The following PRKAG2 variants were observed in gnomAD, a reference collection of about 807,000 sequenced individuals.
The protein encoded by PRKAG2 is 5'-AMP-activated protein kinase subunit gamma-2.
PRKAG2 carries 26 observed loss-of-function variants against 69.6 expected under a neutral mutation model. The observed-to-expected ratio is 0.37, with a 90% CI of 0.27 to 0.52. PRKAG2 has a LOEUF of 0.52. Ranked by LOEUF, PRKAG2 falls within the 20% of genes least tolerant of loss-of-function variation. PRKAG2 has a pLI of 0.90. For synonymous variants in PRKAG2, 293 were observed against 285.0 expected, an observed-to-expected ratio of 1.03 and a Z score of -0.28; for missense variants, 557 against 740.0, an observed-to-expected ratio of 0.75 and a Z score of 2.87.
chr7:151,697,262 G>A (rs1836831103), intron 3 of PRKAG2, among the ~76,000 whole-genome samples: 1 of 152,162 alleles, frequency 6.6e-6, no homozygotes, highest in South Asian at 2.1e-4. Flanking sequence ...CAGCCCACCA[G>A]GCCTGCTCTT....
chr7:151,813,394 C>T (rs761210570), intron 1 of PRKAG2, among the ~76,000 whole-genome samples: 6 of 151,780 alleles, frequency 4.0e-5, no homozygotes, highest in Non-Finnish European at 7.4e-5. Context: ...GGGGGTCAAG[C>T]GACCCCCAGG....
intron 1 of PRKAG2, among the ~76,000 whole-genome samples, chr7:151,822,078 T>A (rs924058045): frequency 6.6e-6 from 1 of 152,114 alleles, no homozygotes; most frequent in African/African-American, 2.4e-5. Context: ...CCTCACCCCA[T>A]GACAACTGCC....
chr7:151,556,586 T>C lies in PRKAG2; in HGVS notation c.*615A>G, dbSNP rs1803831816. 6.6e-6 allele frequency: 1 copy of C among 152,528 alleles called. No individual in the cohort carries two copies. Among genetic ancestry groups the C allele is most frequent in the Admixed American group, 6.5e-5 (1 of 15,294 alleles). 9.4% of individuals were successfully genotyped at this position (152,528 alleles called of 1,614,324 possible). Reference sequence around the variant, plus strand: ...CTCCACCAAAAGATGTGTAAAAAAATTGCATGAAAGTAAAAATAAATAAAG... The same window carrying C: ...CTCCACCAAAAGATGTGTAAAAAAACTGCATGAAAGTAAAAATAAATAAAG... On this transcript the variant is annotated 3_prime_UTR_variant, in exon 16 of 16. Transcript: ENST00000287878.
chr7:151,618,463 T>A (rs1820688651), intron 5 of PRKAG2, among the ~76,000 whole-genome samples: 1 of 143,454 alleles, frequency 7.0e-6, no homozygotes. Context: ...CAAAATAAAA[T>A]AAAATAAAAT....
At chr7:151,707,487 G>GCT (rs112316094) in intron 3 of PRKAG2, among the ~76,000 whole-genome samples, 1,889 of 152,206 alleles carry the variant, frequency 0.012, 36 homozygotes, top group African/African-American at 0.044. Flanking sequence ...AGCTTCCAGA[G>GCT]CTCCCCAAAC....
At chr7:151,560,340 C>A in intron 15 of PRKAG2, 184 bp downstream of exon 15, 1 of 1,513,352 alleles carries the variant, frequency 6.6e-7, no homozygotes, top group Non-Finnish European at 8.8e-7. Context: ...TATACACTTT[C>A]CTCACTCACG....
intron 8 of PRKAG2, among the ~76,000 whole-genome samples, chr7:151,573,160 G>GTTTT (rs770975155): frequency 6.4e-5 from 9 of 139,882 alleles, no homozygotes; most frequent in South Asian, 2.3e-4. Context: ...TGTATCTCAA[G>GTTTT]TTTTTTTTTT....
intron 14 of PRKAG2, among the ~76,000 whole-genome samples, chr7:151,561,932 TAAA>T (rs59146140): frequency 2.4e-5 from 2 of 81,720 alleles, no homozygotes; most frequent in Admixed American, 1.4e-4. Flanking sequence ...GACTGTGTCT[TAAA>T]AAAAAAAAAA....
chr7:151,737,120 C>T (rs900676101), intron 3 of PRKAG2, among the ~76,000 whole-genome samples: 2 of 152,228 alleles, frequency 1.3e-5, no homozygotes, highest in Non-Finnish European at 2.9e-5. Context: ...TGCTTTGCTA[C>T]TAACCAGCTT....
intron 3 of PRKAG2, among the ~76,000 whole-genome samples, chr7:151,715,638 G>A (rs1013693680): frequency 2.0e-5 from 3 of 152,150 alleles, no homozygotes; most frequent in Admixed American, 6.5e-5. Flanking sequence ...TTACAAGCGT[G>A]AGCCACCGTG....
chr7:151,802,068 G>T (rs2077868187), intron 1 of PRKAG2, among the ~76,000 whole-genome samples: 1 of 152,192 alleles, frequency 6.6e-6, no homozygotes, highest in African/African-American at 2.4e-5. Context: ...CTCCCTGAGT[G>T]TGGCCTCTGC....
In PRKAG2 at chr7:151,835,548, A is replaced by T. The variant is rs1214713155; in HGVS notation, c.114+40959T>A. On this transcript the variant is annotated intron_variant, in intron 1 of 15. Coordinates refer to ENST00000287878, the MANE Select transcript of PRKAG2 (RefSeq NM_016203.4). This position sits in a 1 kb window ranked among gnomAD's most constrained non-coding sequence, Gnocchi z 4.1. ...GTCTGCCTGCTTACCCTTCCGAGGCATCTAACAGCATCCTCCCTGGCCTAA... is the reference window on the plus strand; with the variant it reads ...GTCTGCCTGCTTACCCTTCCGAGGCTTCTAACAGCATCCTCCCTGGCCTAA... 6.6e-6 allele frequency among the ~76,000 whole-genome samples: 1 copy of T among 152,094 alleles called. No individual in the cohort carries two copies. Among genetic ancestry groups the T allele is most frequent in the African/African-American group, 2.4e-5 (1 of 41,422 alleles).
At chr7:151,584,032 T>C (rs79434070) in intron 6 of PRKAG2, among the ~76,000 whole-genome samples, 1 of 152,204 alleles carries the variant, frequency 6.6e-6, no homozygotes, top group Non-Finnish European at 1.5e-5. Flanking sequence ...TTAACGCTGA[T>C]ATCTACTGCG....
intron 6 of PRKAG2, among the ~76,000 whole-genome samples, chr7:151,581,209 G>C (rs929743603): frequency 2.0e-5 from 3 of 152,122 alleles, no homozygotes; most frequent in African/African-American, 7.2e-5. Context: ...AGTGAAAAAC[G>C]CATAGCAAAA....
chr7:151,611,568 A>G (rs1818875359), intron 5 of PRKAG2, among the ~76,000 whole-genome samples: 1 of 152,174 alleles, frequency 6.6e-6, no homozygotes, highest in Admixed American at 6.5e-5. Context: ...CAGACTGAGA[A>G]AGGAATGATC....
intron 1 of PRKAG2, among the ~76,000 whole-genome samples, chr7:151,821,596 A>C (rs968016170): frequency 6.9e-6 from 1 of 145,548 alleles, no homozygotes; most frequent in African/African-American, 2.5e-5. Flanking sequence ...CATAAACCAC[A>C]CTGCACAAAA....
chr7:151,772,636 T>C (rs886234375), intron 3 of PRKAG2, among the ~76,000 whole-genome samples: 5 of 152,174 alleles, frequency 3.3e-5, no homozygotes, highest in Non-Finnish European at 4.4e-5. Context: ...TATTCAAATG[T>C]TTTGGAGGTA....
In PRKAG2 at chr7:151,632,302, GCTGCCCCCAC is replaced by G; in HGVS notation, c.685-174_685-165del. 1 of 915,956 alleles carries G rather than the reference GCTGCCCCCAC, an allele frequency of 1.1e-6. No individual in the cohort carries two copies. The highest frequency in any genetic ancestry group is 1.8e-5 in the African/African-American group (1 of 55,352). 56.7% of individuals were successfully genotyped at this position (915,956 alleles called of 1,614,324 possible). ...CGGGGGCCGGGGGCGGAGCGGGAGCGCTGCCCCCACCCGCCCGAGGCCGCCGCCGCCGCCG... is the reference window on the plus strand; with the variant it reads ...CGGGGGCCGGGGGCGGAGCGGGAGCGCCGCCCGAGGCCGCCGCCGCCGCCG... On this transcript the variant is annotated intron_variant, in intron 4 of 15. Coordinates refer to ENST00000287878, the MANE Select transcript of PRKAG2 (RefSeq NM_016203.4). This position sits in a 1 kb window ranked among gnomAD's most constrained non-coding sequence, Gnocchi z 4.2.
chr7:151,863,206 C>A (rs561508036), intron 1 of PRKAG2, among the ~76,000 whole-genome samples: 1 of 150,184 alleles, frequency 6.7e-6, no homozygotes, highest in African/African-American at 2.5e-5. Flanking sequence ...GGTAGGTCCC[C>A]GGGTAGAGGC....
Sources: gnomAD v4.1 joint callset for allele counts (sites outside exome capture counted in the v4.1 genomes callset) on GRCh38, gnomAD v4.1.1 for gene constraint, Gnocchi (gnomAD v3.1) non-coding constraint, MANE v1.5 for transcripts, NCBI Gene and HGNC (gene_info 2026-07-23, HGNC 2026-07-21) for gene names.